The following RXRA variants were observed in gnomAD, a reference collection of about 807,000 sequenced individuals.
RXRA encodes the protein retinoid X receptor alpha.
In RXRA, 5 loss-of-function variants were observed where a neutral mutation model predicts 44.5. The ratio of observed to expected loss-of-function variants is 0.11; its 90% confidence interval spans 0.06 to 0.24. The LOEUF (loss-of-function observed/expected upper bound fraction) is 0.24. Among genes scored for constraint, RXRA ranks in the 10% least tolerant of loss-of-function variants. The pLI is 1.00. For synonymous variants in RXRA, 291 were observed against 271.4 expected, an observed-to-expected ratio of 1.07 and a Z score of -0.71; for missense variants, 412 against 646.5, an observed-to-expected ratio of 0.64 and a Z score of 3.93.
chr9:134,429,682 G>A lies in RXRA; in HGVS notation c.1043+442G>A, dbSNP rs529780708. On this transcript the variant is annotated intron_variant, in intron 7 of 9. Transcript: ENST00000481739. ...CCGTGCAGGCAGGGGTGTCGGGACCGCAGTGCTTCACACCTCCCAGTGGAG... is the reference window on the plus strand; with the variant it reads ...CCGTGCAGGCAGGGGTGTCGGGACCACAGTGCTTCACACCTCCCAGTGGAG... Among the ~76,000 whole-genome samples the A allele has an allele frequency of 1.0e-3, 154 of 152,270 alleles. 1 individual carries two copies. The highest frequency in any genetic ancestry group is 3.4e-3 in the African/African-American group (141 of 41,558).
At position 134,430,030 on chromosome 9, in the gene RXRA, C is replaced by T. The variant is rs943729965; in HGVS notation, c.1043+790C>T. 6.8e-4 allele frequency among the ~76,000 whole-genome samples: 104 copies of T among 152,314 alleles called. 1 individual carries two copies. Among genetic ancestry groups the T allele is most frequent in the African/African-American group, 2.2e-3 (92 of 41,576 alleles). The stretch of plus-strand genomic sequence containing the variant: ...CCTCCCGAGTAGCTGGAACTACAGG[C>T]GCCCGCCACCACGCCCGGCTATTTT... On this transcript the variant is annotated intron_variant, in intron 7 of 9. Transcript: ENST00000481739.
intron 7 of RXRA, 25 bp from the exon 8 acceptor site, chr9:134,431,880 G>T (rs745402007): frequency 3.2e-6 from 5 of 1,577,268 alleles, no homozygotes; most frequent in Non-Finnish European, 3.5e-6. Flanking sequence ...AACTGGGATG[G>T]GGTGTCTGCC....
intron 1 of RXRA, among the ~76,000 whole-genome samples, chr9:134,378,932 TG>T (rs1294090065): frequency 6.6e-6 from 1 of 152,230 alleles, no homozygotes; most frequent in Non-Finnish European, 1.5e-5. Flanking sequence ...TGCTTCATCC[TG>T]TGCCCGGAAG....
intron 1 of RXRA, among the ~76,000 whole-genome samples, chr9:134,358,120 C>T (rs940326715): frequency 2.0e-5 from 3 of 152,264 alleles, no homozygotes; most frequent in African/African-American, 7.2e-5. Flanking sequence ...AGGGCTGCTG[C>T]TGGGTGTGCC....
chr9:134,420,717 G>A (rs997856484), intron 5 of RXRA, among the ~76,000 whole-genome samples: 7 of 152,224 alleles, frequency 4.6e-5, no homozygotes, highest in Non-Finnish European at 7.3e-5. Flanking sequence ...TTCCTGCAGC[G>A]GCACCACTGA....
intron 1 of RXRA, among the ~76,000 whole-genome samples, chr9:134,395,393 T>TG (rs1158709481): frequency 2.0e-5 from 3 of 152,200 alleles, no homozygotes; most frequent in African/African-American, 4.8e-5. Context: ...ACTGGGCCCT[T>TG]GGGGCATCTC....
In RXRA at chr9:134,422,141, G is replaced by C. The variant is rs1277559417; in HGVS notation, c.910+336G>C. 12 of 1,307,354 alleles carry C rather than the reference G, an allele frequency of 9.2e-6. No homozygotes were observed. In the Admixed American group the frequency reaches 1.1e-4, roughly 12 times the overall value. 81.0% of individuals were successfully genotyped at this position (1,307,354 alleles called of 1,614,324 possible). ...CTCCCGGGACACTCCCCACTCCTGG[G>C]ACACACTTCCCCCTCCTGGGACACA... On this transcript the variant is annotated intron_variant, in intron 6 of 9. Transcript: ENST00000481739.
chr9:134,439,262 C>G lies in RXRA; in HGVS notation c.*2648C>G, dbSNP rs17847919. The G allele has an allele frequency of 6.6e-6, 1 of 152,074 alleles. No homozygotes were observed. The highest frequency in any genetic ancestry group is 1.9e-4 in the East Asian group (1 of 5,196). 9.4% of individuals were successfully genotyped at this position (152,074 alleles called of 1,614,324 possible). A position where few individuals can be genotyped will look rare whatever the true frequency, so the allele number is the denominator to read the frequency against. ...ATGAAGCGGCTTCCCCGCAGGGCCCCCACTTCCCAGTGGCTGCTTCCTGGG... is the reference window on the plus strand; with the variant it reads ...ATGAAGCGGCTTCCCCGCAGGGCCCGCACTTCCCAGTGGCTGCTTCCTGGG... On this transcript the variant is annotated 3_prime_UTR_variant, in exon 10 of 10. Transcript: ENST00000481739.
rs531899705 is a variant in RXRA, at chr9:134,401,791, C to T, written c.188C>T (p.Pro63Leu). The change falls in exon 2 of 10, where the codon CCG becomes CTG. Residue 63 changes from proline (P) to leucine (L), a missense_variant. Transcript: ENST00000481739. ...TLSSPINGMG[P>L]PFSVISSPMG... Reference sequence around the variant, plus strand: ...AGCTCCCCCATCAACGGCATGGGCCCGCCTTTCTCGGTCATCAGCTCCCCC... The same window carrying T: ...AGCTCCCCCATCAACGGCATGGGCCTGCCTTTCTCGGTCATCAGCTCCCCC... 58 of 1,613,174 alleles carry T rather than the reference C, an allele frequency of 3.6e-5. No homozygotes were observed. Among genetic ancestry groups the T allele is most frequent in the African/African-American group, 9.3e-5 (7 of 75,040 alleles).
At chr9:134,357,929 CAGAGGA>C (rs1830302333) in intron 1 of RXRA, among the ~76,000 whole-genome samples, 2 of 152,014 alleles carry the variant, frequency 1.3e-5, no homozygotes, top group African/African-American at 4.8e-5. Flanking sequence ...GGAGCCACAG[CAGAGGA>C]GGAGGAGGAG....
At position 134,407,359 on chromosome 9, in the gene RXRA, C is replaced by A. The variant is rs867968406; in HGVS notation, c.280-790C>A. Among the ~76,000 whole-genome samples, 5 of 152,222 alleles carry A rather than the reference C, an allele frequency of 3.3e-5. No individual in the cohort carries two copies. The highest frequency in any genetic ancestry group is 7.3e-5 in the Non-Finnish European group (5 of 68,034). On this transcript the variant is annotated intron_variant, in intron 2 of 9. Coordinates refer to ENST00000481739, the MANE Select transcript of RXRA (RefSeq NM_002957.6). The surrounding 1 kb of genome is among the most constrained non-coding windows in gnomAD (Gnocchi z 4.8). ...GCCTGGCCAAGCGCTTACCGCCCTG[C>A]GCAGCCAGGCTGGCTGGCAGGCTGC...
In RXRA at chr9:134,407,535, C is replaced by G. The variant is rs1380726833; in HGVS notation, c.280-614C>G. ...GCCCGGGCGGCAGCGTGCGGGCCGG[C>G]GGGTGGGGCGGAGGGGTGTGCAGAG... On this transcript the variant is annotated intron_variant, in intron 2 of 9. Coordinates refer to ENST00000481739, the MANE Select transcript of RXRA (RefSeq NM_002957.6). The surrounding 1 kb of genome is among the most constrained non-coding windows in gnomAD (Gnocchi z 4.8). 6.6e-6 allele frequency among the ~76,000 whole-genome samples: 1 copy of G among 152,128 alleles called. No individual in the cohort carries two copies. The highest frequency in any genetic ancestry group is 1.9e-4 in the East Asian group (1 of 5,178).
intron 6 of RXRA, chr9:134,425,800 G>A (rs1831424684): frequency 3.0e-6 from 3 of 985,298 alleles, no homozygotes; most frequent in Admixed American, 6.1e-5. Flanking sequence ...CATGGGGACA[G>A]CAGCCGTGAC....
chr9:134,424,200 C>G (rs1721985536), intron 6 of RXRA: 1 of 985,300 alleles, frequency 1.0e-6, no homozygotes, highest in South Asian at 4.7e-5. Context: ...CTGTGGTCTC[C>G]CTGCAGCTGT....
intron 1 of RXRA, among the ~76,000 whole-genome samples, chr9:134,372,500 T>C (rs62576339): frequency 0.29 from 44,209 of 152,056 alleles, 6,894 homozygotes; most frequent in African/African-American, 0.4. Context: ...AGAATTGATT[T>C]GTTATCACTG....
rs1050521606 is a variant in RXRA at position 134,426,020 on chromosome 9, G to A, written c.911-3088G>A. ...GTTCCTTCCGGAAGCGCTGTCCAGG[G>A]GTCCTGCAACCCCAGCAGAGGCCCT... is the stretch of plus-strand genomic sequence containing the variant. On this transcript the variant is annotated intron_variant, in intron 6 of 9. Coordinates refer to ENST00000481739, the MANE Select transcript of RXRA (RefSeq NM_002957.6). This position sits in a 1 kb window ranked among gnomAD's most constrained non-coding sequence, Gnocchi z 4.6. 1.8e-5 allele frequency: 18 copies of A among 985,272 alleles called. No homozygotes were observed. Among genetic ancestry groups the A allele is most frequent in the Non-Finnish European group, 2.2e-5 (18 of 829,928 alleles). The allele number at this position is 985,272 out of a possible 1,614,324, so 61.0% of individuals were successfully genotyped here. A position where few individuals can be genotyped will look rare whatever the true frequency, so the allele number is the denominator to read the frequency against.
rs73663475 is a variant in RXRA, at chr9:134,392,788, T to A, written c.29-8844T>A. 6.4e-3 allele frequency among the ~76,000 whole-genome samples: 973 copies of A among 152,196 alleles called. 13 individuals are homozygous for A. Among genetic ancestry groups the A allele is most frequent in the African/African-American group, 0.022 (919 of 41,546 alleles). On this transcript the variant is annotated intron_variant, in intron 1 of 9. Coordinates refer to ENST00000481739, the MANE Select transcript of RXRA (RefSeq NM_002957.6). The stretch of plus-strand genomic sequence containing the variant: ...CTGGCCCCTGGGTTCAGGACTTCAT[T>A]TTGGCCGTGCGGGTTGCACCTTGGG...
In RXRA at chr9:134,385,371, G is replaced by A. The variant is rs143789823; in HGVS notation, c.29-16261G>A. 3.9e-3 allele frequency among the ~76,000 whole-genome samples: 599 copies of A among 152,332 alleles called. 6 individuals are homozygous for A. Among genetic ancestry groups the A allele is most frequent in the African/African-American group, 0.014 (582 of 41,586 alleles). On this transcript the variant is annotated intron_variant, in intron 1 of 9. Transcript: ENST00000481739. ...GCCATGAAGGCCCCTTCCCCCGCGT[G>A]CTTCCTCAAGCCTCTCGAGGCGGGT... is the stretch of plus-strand genomic sequence containing the variant.
chr9:134,338,796 G>A (rs1211830590), intron 1 of RXRA, among the ~76,000 whole-genome samples: 2 of 152,198 alleles, frequency 1.3e-5, no homozygotes, highest in Non-Finnish European at 2.9e-5. Context: ...GGTGAGACTG[G>A]GGGAGCGAGC....
Sources: allele counts gnomAD v4.1 joint callset (sites outside exome capture counted in the v4.1 genomes callset), GRCh38; gene constraint gnomAD v4.1.1; non-coding constraint Gnocchi (gnomAD v3.1); transcripts MANE v1.5; gene names NCBI Gene and HGNC (gene_info 2026-07-23, HGNC 2026-07-21).